Variants in SLC12A5 observed in about 807,000 individuals in gnomAD.
SLC12A5 encodes the protein K-Cl cotransporter 2.
A neutral mutation model predicts 124.0 loss-of-function variants in SLC12A5; 18 were observed. That is an observed-to-expected ratio of 0.15 (90% CI 0.10 to 0.22). The LOEUF is 0.22. SLC12A5 is among the 10% of genes least tolerant of loss of function. The pLI, the probability that SLC12A5 is intolerant of heterozygous loss-of-function variation, is 1.00. For synonymous variants in SLC12A5, 589 were observed against 568.0 expected (o/e 1.04, Z -0.53); for missense variants, 867 against 1,478.7 (o/e 0.59, Z 6.78).
In SLC12A5 at chr20:46,045,859, A is replaced by G. The variant is rs749866336; in HGVS notation, c.1570-19A>G. On this transcript the variant is annotated intron_variant, in intron 12 of 25. Coordinates refer to ENST00000243964, the MANE Select transcript of SLC12A5 (RefSeq NM_020708.5). This position sits in a 1 kb window ranked among gnomAD's most constrained non-coding sequence, Gnocchi z 4.9. ...AAATCCTTGAGGTCTCAGTCCCATG[A>G]TGATTGCTCTTTCCCCAGGTCTTTG... 1.9e-6 allele frequency: 3 copies of G among 1,608,502 alleles called. No individual in the cohort carries two copies. Among genetic ancestry groups the G allele is most frequent in the Non-Finnish European group, 2.6e-6 (3 of 1,175,058 alleles).
chr20:46,036,169 A>G (rs1166764559), intron 4 of SLC12A5: 4 of 451,244 alleles, frequency 8.9e-6, no homozygotes, highest in Non-Finnish European at 1.6e-5. Flanking sequence ...CAGCTCATTG[A>G]TGGAAATGAT....
chr20:46,022,307 T>A (rs956602372), intron 1 of SLC12A5, among the ~76,000 whole-genome samples: 2 of 149,646 alleles, frequency 1.3e-5, no homozygotes, highest in Admixed American at 6.7e-5. Flanking sequence ...AGGGGGATGG[T>A]CAGGAGCCCC....
At chr20:46,036,173 A>G in intron 4 of SLC12A5, 1 of 447,706 alleles carries the variant, frequency 2.2e-6, no homozygotes, top group Non-Finnish European at 3.9e-6. Context: ...TCATTGATGG[A>G]AATGATAAGG....
At position 46,056,800 on chromosome 20, in the gene SLC12A5, CAG is replaced by C. The variant is rs1342173154; in HGVS notation, c.3111-96_3111-95del. On this transcript the variant is annotated intron_variant, in intron 23 of 25. Transcript: ENST00000243964. The surrounding 1 kb of genome is among the most constrained non-coding windows in gnomAD (Gnocchi z 4.3). ...GTGTGGGGGCTGGCAGAGCAGGACT[CAG>C]GGCAGATGACCATGGCCCAAGCCCC... The C allele has an allele frequency of 1.5e-6, 2 of 1,360,288 alleles. No homozygotes were observed. The highest frequency in any genetic ancestry group is 2.9e-5 in the African/African-American group (2 of 69,934). 84.3% of individuals were successfully genotyped at this position (1,360,288 alleles called of 1,614,324 possible).
chr20:46,050,760 CA>C (rs2084639937), intron 17 of SLC12A5, among the ~76,000 whole-genome samples: 1 of 152,190 alleles, frequency 6.6e-6, no homozygotes, highest in Admixed American at 6.5e-5. Flanking sequence ...TCGAGGTGCT[CA>C]CAGGCTGGTG....
rs2084358442 is a variant in SLC12A5, at chr20:46,021,894, C to A, written c.48+8C>A. 2.0e-6 allele frequency: 3 copies of A among 1,520,698 alleles called. No individual in the cohort carries two copies. The highest frequency in any genetic ancestry group is 2.6e-6 in the Non-Finnish European group (3 of 1,140,262). 94.2% of individuals were successfully genotyped at this position (1,520,698 alleles called of 1,614,324 possible). On this transcript the variant is annotated splice_region_variant and intron_variant, in intron 1 of 2. Transcript: ENST00000413737. ...CGGGGGAAGACGTCAAAGGTAGAGGCCGCAGGGGGCGGGGCCTGCCAGGGC... is the reference window on the plus strand; with the variant it reads ...CGGGGGAAGACGTCAAAGGTAGAGGACGCAGGGGGCGGGGCCTGCCAGGGC...
intron 7 of SLC12A5, 152 bp from the exon 8 acceptor site, chr20:46,041,177 A>AT (rs35045805): frequency 3.1e-4 from 200 of 650,916 alleles, no homozygotes; most frequent in Middle Eastern, 2.6e-3. Flanking sequence ...AAAAAAAAAA[A>AT]GCCAATGGCC....
At chr20:46,050,240 G>C (rs977511529) in intron 17 of SLC12A5, among the ~76,000 whole-genome samples, 6 of 152,208 alleles carry the variant, frequency 3.9e-5, no homozygotes, top group African/African-American at 9.7e-5. Context: ...AGGGAAAGCT[G>C]CTTGCTGAAA....
At position 46,053,816 on chromosome 20, in the gene SLC12A5, CT is replaced by C; in HGVS notation, c.2679+110del. ...ACCCATCAGCTTATGATGCTGGATCCTTTCCCCCTCATCCATCTCTTAGCCT... is the reference window on the plus strand; with the variant it reads ...ACCCATCAGCTTATGATGCTGGATCCTTCCCCCTCATCCATCTCTTAGCCT... On this transcript the variant is annotated intron_variant, in intron 20 of 25. Coordinates refer to ENST00000243964, the MANE Select transcript of SLC12A5 (RefSeq NM_020708.5). The surrounding 1 kb of genome is among the most constrained non-coding windows in gnomAD (Gnocchi z 4.7). 8.0e-7 allele frequency: 1 copy of C among 1,247,216 alleles called. No homozygotes were observed. Among genetic ancestry groups the C allele is most frequent in the Non-Finnish European group, 1.1e-6 (1 of 920,842 alleles). 77.3% of individuals were successfully genotyped at this position (1,247,216 alleles called of 1,614,324 possible). A position where few individuals can be genotyped will look rare whatever the true frequency, so the allele number is the denominator to read the frequency against.
At chr20:46,033,793 G>A (rs1041418342) in intron 1 of SLC12A5, among the ~76,000 whole-genome samples, 3 of 152,300 alleles carry the variant, frequency 2.0e-5, no homozygotes, top group Non-Finnish European at 4.4e-5. Context: ...CATCTGGCAT[G>A]GAAATATGCC....
intron 16 of SLC12A5, among the ~76,000 whole-genome samples, chr20:46,048,506 C>T (rs1411613209): frequency 1.3e-5 from 2 of 152,160 alleles, no homozygotes; most frequent in Non-Finnish European, 2.9e-5. Context: ...CAGGTGGAAT[C>T]GTTCCCTTTG....
chr20:46,056,339 C>T lies in SLC12A5; in HGVS notation c.2911-26C>T, dbSNP rs2297201. ...AGCCCTTGGCCTCCAAAGGACTCAA[C>T]TGCCATCGCTTCATTCATCCCTCAG... On this transcript the variant is annotated intron_variant, in intron 22 of 25. Transcript: ENST00000243964. This position sits in a 1 kb window ranked among gnomAD's most constrained non-coding sequence, Gnocchi z 4.3. 0.085 allele frequency: 137,192 copies of T among 1,608,382 alleles called. 9,206 individuals carry two copies. Among genetic ancestry groups the T allele is most frequent in the Admixed American group, 0.31 (18,206 of 59,618 alleles).
chr20:46,054,344 T>C (rs1305163462), intron 20 of SLC12A5, among the ~76,000 whole-genome samples: 1 of 152,226 alleles, frequency 6.6e-6, no homozygotes, highest in Non-Finnish European at 1.5e-5. Context: ...ATGGTGTTAT[T>C]TGGCATATGA....
rs894736323 is a variant in SLC12A5 at position 46,043,622 on chromosome 20, C to T, written c.1238-11C>T. 2 of 1,614,056 alleles carry T rather than the reference C, an allele frequency of 1.2e-6. No individual in the cohort carries two copies. Among genetic ancestry groups the T allele is most frequent in the Non-Finnish European group, 8.5e-7 (1 of 1,179,920 alleles). On this transcript the variant is annotated splice_polypyrimidine_tract_variant and intron_variant, in intron 9 of 25. Coordinates refer to ENST00000243964, the MANE Select transcript of SLC12A5 (RefSeq NM_020708.5). ...CCTGGCTTGAGTCCTAGCTGCACTT[C>T]TGTTTTGCAGGGATCATGGCTGGTT...
chr20:46,044,800 A>C, intron 11 of SLC12A5, 166 bp from the exon 12 acceptor site: 1 of 743,424 alleles, frequency 1.3e-6, no homozygotes, highest in South Asian at 1.8e-5. Flanking sequence ...GAATTATTTT[A>C]TCAAGGAAAA....
At chr20:46,041,180 C>A in intron 7 of SLC12A5, 149 bp from the exon 8 acceptor site, 1 of 642,832 alleles carries the variant, frequency 1.6e-6, no homozygotes, top group Non-Finnish European at 2.6e-6. Flanking sequence ...AAAAAAAAGC[C>A]AATGGCCAGG....
chr20:46,040,955 A>G (rs746081654), intron 7 of SLC12A5: 28 of 407,238 alleles, frequency 6.9e-5, no homozygotes, highest in Middle Eastern at 7.0e-4. Context: ...GAATGGGACA[A>G]TCTCCTAGTG....
chr20:46,050,416 A>G (rs1268466638), intron 17 of SLC12A5, among the ~76,000 whole-genome samples: 3 of 152,212 alleles, frequency 2.0e-5, no homozygotes, highest in Non-Finnish European at 4.4e-5. Context: ...TGTCTGCCTT[A>G]AGCACACAAA....
intron 14 of SLC12A5, 111 bp downstream of exon 14, chr20:46,046,547 G>A (rs1329047247): frequency 3.0e-5 from 26 of 876,978 alleles, no homozygotes; most frequent in Non-Finnish European, 4.6e-5. Flanking sequence ...ACCTGAAGAG[G>A]ACATCCTTTT....
Sources: allele counts gnomAD v4.1 joint callset (sites outside exome capture counted in the v4.1 genomes callset), GRCh38; gene constraint gnomAD v4.1.1; non-coding constraint Gnocchi (gnomAD v3.1); transcripts MANE v1.5; gene names NCBI Gene and HGNC (gene_info 2026-07-23, HGNC 2026-07-21).